MIPOL1: variants seen among roughly 807,000 people sequenced by gnomAD.
MIPOL1 encodes the protein mirror-image polydactyly 1, also known as mirror-image polydactyly gene 1 protein.
MIPOL1 carries 57 observed loss-of-function variants against 60.9 expected under a neutral mutation model. That is an observed-to-expected ratio of 0.94 (90% confidence interval 0.76 to 1.17). MIPOL1 has a LOEUF of 1.17. Ranked by LOEUF, MIPOL1 falls within the 50% of genes most tolerant of loss-of-function variation. The probability of loss-of-function intolerance (pLI) is 0.00; values close to 1 mark genes in which losing one functional copy is unlikely to be tolerated. For missense variants in MIPOL1, 551 were observed against 511.6 expected, an observed-to-expected ratio of 1.08 and a Z score of -0.74; for synonymous variants, 179 against 168.8, an observed-to-expected ratio of 1.06 and a Z score of -0.47.
rs1472076667 is a variant in MIPOL1, at chr14:37,355,346, C to A, written c.829-14171C>A. ...TCTCTGGCTGCCCTTAACATTTTTT[C>A]CTTCATTTCAACTTTGGTGAATCTG... is the stretch of plus-strand genomic sequence containing the variant. On this transcript the variant is annotated intron_variant, in intron 9 of 12. Transcript: ENST00000684589. 2.3e-5 allele frequency among the ~76,000 whole-genome samples: 3 copies of A among 128,494 alleles called. No homozygotes were observed. In the East Asian group the frequency reaches 7.7e-4, roughly 33 times the overall value. 84.3% of individuals were successfully genotyped at this position (128,494 alleles called of 152,430 possible). A position where few individuals can be genotyped will look rare whatever the true frequency, so the allele number is the denominator to read the frequency against.
At chr14:37,268,607 A>G in intron 4 of MIPOL1, 51 bp from the exon 5 acceptor site, 1 of 1,435,948 alleles carries the variant, frequency 7.0e-7, no homozygotes, top group Non-Finnish European at 9.4e-7. Context: ...ACAAAATGTC[A>G]AAAAATTAGT....
chr14:37,330,364 C>T (rs972867161), intron 9 of MIPOL1, among the ~76,000 whole-genome samples: 1 of 151,982 alleles, frequency 6.6e-6, no homozygotes, highest in African/African-American at 2.4e-5. Flanking sequence ...CATTTAGTCT[C>T]CAAAGAGGTT....
rs997837512 is a variant in MIPOL1, at chr14:37,512,258, G to C, written c.1262+12120G>C. 1.4e-5 allele frequency among the ~76,000 whole-genome samples: 2 copies of C among 144,038 alleles called. 1 individual carries two copies. Among genetic ancestry groups the C allele is most frequent in the Admixed American group, 1.4e-4 (2 of 13,948 alleles). The allele number at this position is 144,038 out of a possible 152,430, so 94.5% of individuals were successfully genotyped here. On this transcript the variant is annotated intron_variant, in intron 12 of 12. Coordinates refer to ENST00000684589, the MANE Select transcript of MIPOL1 (RefSeq NM_001388067.1). Reference sequence around the variant, plus strand: ...GAAATTGGTGTTACAAAGAAATTGTGAATTCTCAGCCTGGTTTTCCTGCTG... The same window carrying C: ...GAAATTGGTGTTACAAAGAAATTGTCAATTCTCAGCCTGGTTTTCCTGCTG...
intron 9 of MIPOL1, among the ~76,000 whole-genome samples, chr14:37,341,265 A>G (rs1249847142): frequency 6.6e-6 from 1 of 152,252 alleles, no homozygotes; most frequent in Non-Finnish European, 1.5e-5. Flanking sequence ...GGGTTGCCAC[A>G]AACCTTCAAT....
intron 1 of MIPOL1, among the ~76,000 whole-genome samples, chr14:37,205,620 C>A (rs957984879): frequency 2.0e-5 from 3 of 152,296 alleles, no homozygotes; most frequent in Admixed American, 2.0e-4. Flanking sequence ...CCCCCGCCAG[C>A]TCCCCATCCC....
chr14:37,545,741 C>G (rs2095544958), intron 12 of MIPOL1: 1 of 590,334 alleles, frequency 1.7e-6, no homozygotes, highest in Non-Finnish European at 3.0e-6. Flanking sequence ...TTGTCCATTC[C>G]TCAGTGGAAC....
At chr14:37,457,174 G>T (rs1002959173) in intron 11 of MIPOL1, among the ~76,000 whole-genome samples, 1 of 152,104 alleles carries the variant, frequency 6.6e-6, no homozygotes, top group African/African-American at 2.4e-5. Flanking sequence ...AGAGATAAGA[G>T]CCTCTTAGAC....
chr14:37,246,374 T>C (rs1281570585), intron 1 of MIPOL1, among the ~76,000 whole-genome samples: 1 of 152,156 alleles, frequency 6.6e-6, no homozygotes, highest in Non-Finnish European at 1.5e-5. Flanking sequence ...ATTATCTCAG[T>C]GTCCATAAAT....
chr14:37,365,479 T>G (rs1247776744), intron 9 of MIPOL1, among the ~76,000 whole-genome samples: 1 of 152,180 alleles, frequency 6.6e-6, no homozygotes, highest in African/African-American at 2.4e-5. Context: ...ATGGTTTTTG[T>G]CCTTCACTCT....
At chr14:37,449,093 C>T (rs1478047293) in intron 11 of MIPOL1, among the ~76,000 whole-genome samples, 1 of 152,182 alleles carries the variant, frequency 6.6e-6, no homozygotes, top group African/African-American at 2.4e-5. Context: ...TCTTCCGTCA[C>T]TTGAGAAGTA....
rs1038340949 is a variant in MIPOL1 at position 37,268,642 on chromosome 14, A to G, written c.252-16A>G. The G allele has an allele frequency of 1.9e-6, 3 of 1,557,272 alleles. No individual in the cohort carries two copies. Among genetic ancestry groups the G allele is most frequent in the Non-Finnish European group, 2.6e-6 (3 of 1,153,936 alleles). ...TTTATCTTACTCTGAAATGTTAATC[A>G]GTTTCTTTATTACAGCGTTATGGAA... On this transcript the variant is annotated splice_polypyrimidine_tract_variant and intron_variant, in intron 4 of 12. Transcript: ENST00000684589.
chr14:37,470,526 T>A (rs1458983164), intron 11 of MIPOL1, among the ~76,000 whole-genome samples: 2 of 152,116 alleles, frequency 1.3e-5, no homozygotes, highest in Admixed American at 6.6e-5. Context: ...TGTGAAGATG[T>A]GCCTGCTTTC....
At chr14:37,540,608 C>T (rs1457396669) in intron 12 of MIPOL1, among the ~76,000 whole-genome samples, 2 of 152,076 alleles carry the variant, frequency 1.3e-5, no homozygotes, top group African/African-American at 4.8e-5. Flanking sequence ...TCCTCCCCTC[C>T]CCATCTTTCC....
chr14:37,500,777 AT>A (rs1441234954), intron 12 of MIPOL1, among the ~76,000 whole-genome samples: 1 of 152,214 alleles, frequency 6.6e-6, no homozygotes, highest in Non-Finnish European at 1.5e-5. Flanking sequence ...GGACTTGAAC[AT>A]TGTAGCAGAA....
chr14:37,398,128 C>T (rs1040767954), intron 10 of MIPOL1, among the ~76,000 whole-genome samples: 1 of 152,148 alleles, frequency 6.6e-6, no homozygotes, highest in African/African-American at 2.4e-5. Context: ...GGGGACCCAG[C>T]AGGCTCCCAG....
At chr14:37,503,544 C>G (rs2095245287) in intron 12 of MIPOL1, 1 of 152,106 alleles carries the variant, frequency 6.6e-6, no homozygotes, top group South Asian at 2.1e-4. Context: ...CCTTTACAGA[C>G]AAGCAAATGT....
chr14:37,482,243 C>G (rs1175148058), intron 11 of MIPOL1, among the ~76,000 whole-genome samples: 1 of 151,774 alleles, frequency 6.6e-6, no homozygotes, highest in Non-Finnish European at 1.5e-5. Flanking sequence ...AACAAAACAC[C>G]CAGTTTAAAA....
intron 11 of MIPOL1, among the ~76,000 whole-genome samples, chr14:37,482,508 G>A (rs1038624554): frequency 6.6e-6 from 1 of 152,092 alleles, no homozygotes; most frequent in Non-Finnish European, 1.5e-5. Context: ...GGGGCCTCAG[G>A]AAATTTGCAA....
At chr14:37,450,874 C>T (rs757910003) in intron 11 of MIPOL1, among the ~76,000 whole-genome samples, 7 of 151,938 alleles carry the variant, frequency 4.6e-5, no homozygotes, top group Non-Finnish European at 7.4e-5. Flanking sequence ...GTGTCCACTT[C>T]CTCATTGTTT....
Sources: allele counts gnomAD v4.1 joint callset (sites outside exome capture counted in the v4.1 genomes callset), GRCh38; gene constraint gnomAD v4.1.1; transcripts MANE v1.5; gene names NCBI Gene and HGNC (gene_info 2026-07-23, HGNC 2026-07-21).